IQCN: variants seen among roughly 807,000 people sequenced by gnomAD.
The protein encoded by IQCN is IQ domain-containing protein N.
IQCN carries 46 observed loss-of-function variants against 64.4 expected under a neutral mutation model. That is an observed-to-expected ratio of 0.71 (90% CI 0.56 to 0.91). The LOEUF (loss-of-function observed/expected upper bound fraction) is 0.91, where lower values mean the gene tolerates loss of function less well. Ranked by LOEUF, IQCN falls within the 40% of genes least tolerant of loss-of-function variation. The pLI, the probability that IQCN is intolerant of heterozygous loss-of-function variation, is 0.00. For synonymous variants in IQCN, 733 were observed against 775.6 expected, an observed-to-expected ratio of 0.95 and a Z score of 0.91; for missense variants, 1,753 against 1,857.4, an observed-to-expected ratio of 0.94 and a Z score of 1.03.
intron 1 of IQCN, among the ~76,000 whole-genome samples, chr19:18,273,625 C>A (rs954010618): frequency 1.3e-5 from 2 of 152,164 alleles, no homozygotes; most frequent in African/African-American, 4.8e-5. Flanking sequence ...AGCCACCTTG[C>A]CCGGCCTAAT....
At position 18,267,268 on chromosome 19, in the gene IQCN, A is replaced by G; in HGVS notation, c.272T>C (p.Phe91Ser). ...CATCTCGTCTACCAGGATGTTCTTGAAGGCCTGGCTCTCGACCACAGCCCG... is the reference window on the plus strand; with the variant it reads ...CATCTCGTCTACCAGGATGTTCTTGGAGGCCTGGCTCTCGACCACAGCCCG... ...RLRAVVESQA[F>S]KNILVDEMDM... Residue 91 changes from phenylalanine to serine, a missense_variant, in exon 3 of 4, where the codon TTC becomes TCC. Phe to Ser is a radical substitution (Grantham distance 155, BLOSUM62 -2). Coordinates refer to ENST00000392413, the MANE Select transcript of IQCN (RefSeq NM_001145304.2). 1.9e-6 allele frequency: 3 copies of G among 1,614,234 alleles called. No homozygotes were observed. The highest frequency in any genetic ancestry group is 1.6e-4 in the Middle Eastern group (1 of 6,062).
Position 18,264,376 on chromosome 19 carries a change from G to C in IQCN, c.3164C>G (p.Pro1055Arg). ...AWGPSLGPVR[P>R]QTSKGPADAG... ...GGAATCCCTGACCTTGCTGGTCTGT[G>C]GTCTCACGGGGCCCAGGGAGGGCCC... The change falls in exon 3 of 4, where the codon CCA (proline) becomes CGA (arginine). Residue 1055 changes from proline (P) to arginine (R), a missense_variant. By Grantham distance (103) the Pro-to-Arg change is moderately radical. Coordinates refer to ENST00000392413, the MANE Select transcript of IQCN (RefSeq NM_001145304.2). This position sits in a 1 kb window ranked among gnomAD's most constrained non-coding sequence, Gnocchi z 4.3. 1 of 1,491,022 alleles carries C rather than the reference G, an allele frequency of 6.7e-7. No homozygotes were observed. Among genetic ancestry groups the C allele is most frequent in the Non-Finnish European group, 8.9e-7 (1 of 1,118,786 alleles). The allele number at this position is 1,491,022 out of a possible 1,614,324, so 92.4% of individuals were successfully genotyped here.
At chr19:18,269,111 C>G (rs558859336) in intron 2 of IQCN, among the ~76,000 whole-genome samples, 1 of 151,348 alleles carries the variant, frequency 6.6e-6, no homozygotes, top group South Asian at 2.1e-4. Context: ...GCCTGGGCAA[C>G]AGAAGTGAAA....
In IQCN at chr19:18,265,207, G is replaced by A. The variant is rs776414183; in HGVS notation, c.2333C>T (p.Ser778Phe). ...CTGGCAGGCGTGGTTGGACACCTTG[G>A]ACCCTGTTAGGAGCACCTGGGAGTG... ...NTHSQVLLTG[S>F]KVSNHACQRL... is the part of the protein sequence containing the mutation. The change falls in exon 3 of 4, where the codon TCC becomes TTC. Residue 778 changes from serine (S) to phenylalanine (F), a missense_variant. Physicochemically the swap from Ser to Phe is radical, Grantham distance 155. Coordinates refer to ENST00000392413, the MANE Select transcript of IQCN (RefSeq NM_001145304.2). This position sits in a 1 kb window ranked among gnomAD's most constrained non-coding sequence, Gnocchi z 4.7. 6 of 1,611,856 alleles carry A rather than the reference G, an allele frequency of 3.7e-6. No homozygotes were observed. The South Asian group carries it at 6.6e-5, about 18-fold the overall frequency.
At position 18,267,310 on chromosome 19, in the gene IQCN, C is replaced by T. The variant is rs757916869; in HGVS notation, c.230G>A (p.Arg77His). ...CACAGCCCGGAGGCGTGGGACGCGG[C>T]GGGACGCCGTCTTGCCTTCGGCAGG... ...QQPAEGKTAS[R>H]RVPRLRAVVE... The change falls in exon 3 of 4, where the codon CGC (arginine) becomes CAC (histidine). Residue 77 changes from arginine (R) to histidine (H), a missense_variant. Physicochemically the swap from Arg to His is conservative, Grantham distance 29 (BLOSUM62 0). Coordinates refer to ENST00000392413, the MANE Select transcript of IQCN (RefSeq NM_001145304.2). The T allele has an allele frequency of 1.1e-5, 18 of 1,614,092 alleles. No homozygotes were observed. The highest frequency in any genetic ancestry group is 5.3e-5 in the African/African-American group (4 of 74,956).
At chr19:18,269,085 A>G (rs892073095) in intron 2 of IQCN, among the ~76,000 whole-genome samples, 42 of 151,830 alleles carry the variant, frequency 2.8e-4, no homozygotes, top group African/African-American at 1.0e-3. Flanking sequence ...AGCCAAGATC[A>G]CGCCATCACA....
rs60981546 is a variant in IQCN at position 18,270,051 on chromosome 19, TAAA to T, written c.-109-467_-109-465del. The stretch of plus-strand genomic sequence containing the variant: ...GGGAAACTAAGCAAGAACTGTCTCT[TAAA>T]AAAAAAAAAAAAAAAAAAAAAAAAT... On this transcript the variant is annotated intron_variant, in intron 1 of 3. Coordinates refer to ENST00000392413, the MANE Select transcript of IQCN (RefSeq NM_001145304.2). Among the ~76,000 whole-genome samples the T allele has an allele frequency of 8.2e-3, 621 of 75,820 alleles. 8 individuals are homozygous for T. The highest frequency in any genetic ancestry group is 0.034 in the African/African-American group (540 of 15,922). The allele number at this position is 75,820 out of a possible 152,430, so 49.7% of individuals were successfully genotyped here. A position where few individuals can be genotyped will look rare whatever the true frequency, so the allele number is the denominator to read the frequency against.
Position 18,265,306 on chromosome 19 carries a change from C to A in IQCN, c.2234G>T (p.Arg745Leu). Residue 745 changes from arginine (R) to leucine (L), a missense_variant, in exon 3 of 4, where the codon CGG (arginine) becomes CTG (leucine). Transcript: ENST00000392413. The surrounding 1 kb of genome is among the most constrained non-coding windows in gnomAD (Gnocchi z 4.7). ...GGTTATGTCTGTGATCGGCTGCCCC[C>A]GGGACTGCGTCTTGGTCAGACAGGT... Reference protein sequence around the residue: ...LATCLTKTQSRGQPITDITTC... With the variant: ...LATCLTKTQSLGQPITDITTC... 2 of 1,614,098 alleles carry A rather than the reference C, an allele frequency of 1.2e-6. No homozygotes were observed. Among genetic ancestry groups the A allele is most frequent in the Middle Eastern group, 1.6e-4 (1 of 6,062 alleles).
intron 3 of IQCN, among the ~76,000 whole-genome samples, chr19:18,262,803 G>A (rs946619997): frequency 3.3e-5 from 5 of 152,220 alleles, no homozygotes; most frequent in African/African-American, 1.2e-4. Context: ...ACTGGCCAGT[G>A]TAGCCTGGGA....
intron 1 of IQCN, among the ~76,000 whole-genome samples, chr19:18,271,139 T>C (rs1969726049): frequency 7.6e-6 from 1 of 131,226 alleles, no homozygotes; most frequent in Admixed American, 8.3e-5. Context: ...GCAACTGCAC[T>C]CCAGCCTGGG....
rs1431372216 is a variant in IQCN, at chr19:18,265,459, C to T, written c.2081G>A (p.Gly694Glu). 1.2e-6 allele frequency: 2 copies of T among 1,613,526 alleles called. No homozygotes were observed. Among genetic ancestry groups the T allele is most frequent in the African/African-American group, 1.3e-5 (1 of 74,872 alleles). The change falls in exon 3 of 4, where the codon GGA becomes GAA. Residue 694 changes from glycine (G) to glutamate (E), a missense_variant. By Grantham distance (98) the Gly-to-Glu change is moderately conservative. Coordinates refer to ENST00000392413, the MANE Select transcript of IQCN (RefSeq NM_001145304.2). This position sits in a 1 kb window ranked among gnomAD's most constrained non-coding sequence, Gnocchi z 4.7. The part of the protein sequence containing the change: ...AAPLTKASSQ[G>E]HLPTELTKTP... The stretch of plus-strand genomic sequence containing the variant: ...CTTGGTCAGCTCAGTGGGCAGATGT[C>T]CCTGAGATGAGGCCTTGGTCAGCGG...
chr19:18,263,224 C>A lies in IQCN; in HGVS notation c.3177+1139G>T, dbSNP rs533160900. Among the ~76,000 whole-genome samples, 8 of 152,338 alleles carry A rather than the reference C, an allele frequency of 5.3e-5. No individual in the cohort carries two copies. The South Asian group carries it at 1.7e-3, about 32-fold the overall frequency. On this transcript the variant is annotated intron_variant, in intron 3 of 3. Transcript: ENST00000392413. Reference sequence around the variant, plus strand: ...CGTGACTCATCTATCTTGTTGACGGCAGGCAGGCTGGCCACAGACATAGTG... The same window carrying A: ...CGTGACTCATCTATCTTGTTGACGGAAGGCAGGCTGGCCACAGACATAGTG...
intron 3 of IQCN, among the ~76,000 whole-genome samples, chr19:18,263,414 C>T (rs1353045101): frequency 6.6e-6 from 1 of 152,202 alleles, no homozygotes; most frequent in Non-Finnish European, 1.5e-5. Context: ...CTGTTGCTAG[C>T]TTCTGGGGGC....
rs369557718 is a variant in IQCN at position 18,257,453 on chromosome 19, G to A, written c.3831C>T (p.Gly1277=). 78 of 1,607,802 alleles carry A rather than the reference G, an allele frequency of 4.9e-5. No individual in the cohort carries two copies. The African/African-American group carries it at 9.1e-4, about 19-fold the overall frequency. Residue 1277 remains glycine, a synonymous_variant, in exon 4 of 4, where the codon GGC becomes GGT. Coordinates refer to ENST00000392413, the MANE Select transcript of IQCN (RefSeq NM_001145304.2). ...VVQGMGQGTE[G]PGAVSWASAY... ...CGGAGGCCCAAGACACTGCCCCGGG[G>A]CCCTCAGTGCCCTGGCCCATGCCCT...
At position 18,265,163 on chromosome 19, in the gene IQCN, C is replaced by T. The variant is rs776605726; in HGVS notation, c.2377G>A (p.Ala793Thr). ...HACQRLGGLSAPPWAKPEDRQ... is the reference protein window; with the variant it reads ...HACQRLGGLSTPPWAKPEDRQ... Reference sequence around the variant, plus strand: ...TCCTCTGGCTTGGCCCAGGGTGGGGCGCTGAGGCCACCGAGGCGCTGGCAG... The same window carrying T: ...TCCTCTGGCTTGGCCCAGGGTGGGGTGCTGAGGCCACCGAGGCGCTGGCAG... Residue 793 changes from alanine to threonine, a missense_variant, in exon 3 of 4, where the codon GCC (alanine) becomes ACC (threonine). Physicochemically the swap from Ala to Thr is moderately conservative, Grantham distance 58. Transcript: ENST00000392413. The surrounding 1 kb of genome is among the most constrained non-coding windows in gnomAD (Gnocchi z 4.7). The T allele has an allele frequency of 1.9e-5, 31 of 1,607,908 alleles. No homozygotes were observed. The highest frequency in any genetic ancestry group is 3.3e-5 in the Admixed American group (2 of 59,984).
Position 18,266,945 on chromosome 19 carries a change from T to C in IQCN, c.595A>G (p.Asn199Asp). 6.2e-7 allele frequency: 1 copy of C among 1,611,560 alleles called. No homozygotes were observed. ...NKETQFPSCD[N>D]LVLCRPQSSP... ...GACTGGGGTCTGCAGAGGACCAGATTGTCACAGGAAGGGAACTGGGTCTCC... is the reference window on the plus strand; with the variant it reads ...GACTGGGGTCTGCAGAGGACCAGATCGTCACAGGAAGGGAACTGGGTCTCC... Residue 199 changes from asparagine to aspartate, a missense_variant, in exon 3 of 4, where the codon AAT becomes GAT. Asn to Asp is a conservative substitution (Grantham distance 23). Transcript: ENST00000392413. The surrounding 1 kb of genome is among the most constrained non-coding windows in gnomAD (Gnocchi z 4.3).
chr19:18,260,948 G>A (rs1969413684), intron 3 of IQCN: 1 of 152,902 alleles, frequency 6.5e-6, no homozygotes, highest in Non-Finnish European at 1.5e-5. Flanking sequence ...CTGGTCTTAA[G>A]GGCACTGCAG....
At chr19:18,258,236 A>C in intron 3 of IQCN, 130 bp from the exon 4 acceptor site, 29 of 1,003,856 alleles carry the variant, frequency 2.9e-5, no homozygotes, top group Non-Finnish European at 3.8e-5. Context: ...GGGAAGACTC[A>C]TAGCCTAGAG....
chr19:18,259,981 G>A (rs1437296159), intron 3 of IQCN: 1 of 152,412 alleles, frequency 6.6e-6, no homozygotes, highest in Non-Finnish European at 1.5e-5. Flanking sequence ...TTCCCAGCTA[G>A]GCCAGGAGAT....
Sources: allele counts gnomAD v4.1 joint callset (sites outside exome capture counted in the v4.1 genomes callset), GRCh38; gene constraint gnomAD v4.1.1; non-coding constraint Gnocchi (gnomAD v3.1); transcripts MANE v1.5; gene names NCBI Gene and HGNC (gene_info 2026-07-23, HGNC 2026-07-21).